Variants in RSRC1 observed in about 807,000 individuals in gnomAD.
RSRC1 encodes the protein arginine and serine rich coiled-coil 1.
RSRC1 carries 39 observed loss-of-function variants against 49.1 expected under a neutral mutation model. The observed-to-expected ratio is 0.79, with a 90% confidence interval of 0.61 to 1.04. The LOEUF (loss-of-function observed/expected upper bound fraction) is 1.04, where lower values mean the gene tolerates loss of function less well. RSRC1 is among the 50% of genes least tolerant of loss of function. RSRC1 has a pLI of 0.00. For synonymous variants in RSRC1, 143 were observed against 130.8 expected (o/e 1.09, Z -0.63); for missense variants, 388 against 402.4 (o/e 0.96, Z 0.31).
chr3:158,317,095 C>G (rs1728507734), intron 5 of RSRC1, among the ~76,000 whole-genome samples: 1 of 152,202 alleles, frequency 6.6e-6, no homozygotes, highest in Admixed American at 6.5e-5. Flanking sequence ...ACATTAAAAG[C>G]AAACCCTAGC....
rs544000982 is a variant in RSRC1 at position 158,350,179 on chromosome 3, A to ATTTT, written c.532-4665_532-4662dup. Among the ~76,000 whole-genome samples the ATTTT allele has an allele frequency of 3.1e-3, 389 of 126,524 alleles. 1 individual carries two copies. Among genetic ancestry groups the ATTTT allele is most frequent in the African/African-American group, 4.4e-3 (148 of 33,948 alleles). 83.0% of individuals were successfully genotyped at this position (126,524 alleles called of 152,430 possible). On this transcript the variant is annotated intron_variant, in intron 5 of 9. Coordinates refer to ENST00000611884, the MANE Select transcript of RSRC1 (RefSeq NM_001271838.2). Reference sequence around the variant, plus strand: ...CAACAGAAATATATATATATATATAATTTTTTTTTTTTTTTTGAGAAAAGG... The same window carrying ATTTT: ...CAACAGAAATATATATATATATATAATTTTTTTTTTTTTTTTTTTTGAGAAAAGG...
intron 7 of RSRC1, among the ~76,000 whole-genome samples, chr3:158,497,529 C>G (rs183575789): frequency 4.0e-5 from 6 of 151,688 alleles, no homozygotes; most frequent in Admixed American, 3.9e-4. Flanking sequence ...CTCTGCCCCC[C>G]GGGTTCAAGC....
intron 4 of RSRC1, among the ~76,000 whole-genome samples, chr3:158,211,950 T>C (rs115208268): frequency 3.6e-3 from 550 of 152,098 alleles, no homozygotes; most frequent in African/African-American, 0.012. Context: ...TGAAATACTT[T>C]CTTCTCTACT....
intron 3 of RSRC1, among the ~76,000 whole-genome samples, chr3:158,183,458 A>T (rs545015852): frequency 2.0e-4 from 30 of 152,250 alleles, no homozygotes; most frequent in African/African-American, 7.0e-4. Context: ...TAGGTTATTC[A>T]TTGTAAAATT....
chr3:158,518,193 C>T (rs1220849022), intron 7 of RSRC1, among the ~76,000 whole-genome samples: 1 of 108,982 alleles, frequency 9.2e-6, no homozygotes, highest in African/African-American at 3.6e-5. Context: ...TTTGCATCTG[C>T]ATTCATGATT....
intron 7 of RSRC1, among the ~76,000 whole-genome samples, chr3:158,517,081 T>C (rs895685574): frequency 2.6e-5 from 4 of 152,240 alleles, no homozygotes; most frequent in Admixed American, 1.3e-4. Flanking sequence ...CTGGGAGCCA[T>C]AGACCAGAGC....
intron 4 of RSRC1, among the ~76,000 whole-genome samples, chr3:158,290,426 C>A (rs1244695597): frequency 6.6e-6 from 1 of 151,956 alleles, no homozygotes; most frequent in Non-Finnish European, 1.5e-5. Flanking sequence ...GCGCCCGCCA[C>A]CACGCCCAGC....
At chr3:158,306,862 TTTTA>T (rs950425415) in intron 5 of RSRC1, among the ~76,000 whole-genome samples, 3 of 152,094 alleles carry the variant, frequency 2.0e-5, no homozygotes, top group African/African-American at 7.2e-5. Flanking sequence ...ATATTCAGCT[TTTTA>T]TTTATTTTTT....
At chr3:158,473,477 C>T (rs1293327140) in intron 7 of RSRC1, among the ~76,000 whole-genome samples, 1 of 151,788 alleles carries the variant, frequency 6.6e-6, no homozygotes, top group African/African-American at 2.4e-5. Context: ...AACACTTGGA[C>T]ACAGGAAGGG....
At chr3:158,499,577 C>G (rs985232023) in intron 7 of RSRC1, among the ~76,000 whole-genome samples, 3 of 151,986 alleles carry the variant, frequency 2.0e-5, no homozygotes, top group Admixed American at 2.0e-4. Flanking sequence ...TTGTAGTTTT[C>G]CTTGTAGAGG....
chr3:158,467,133 A>G (rs1418654231), intron 7 of RSRC1, among the ~76,000 whole-genome samples: 1 of 152,218 alleles, frequency 6.6e-6, no homozygotes, highest in Non-Finnish European at 1.5e-5. Flanking sequence ...AAAGAGTATG[A>G]CGATTATTCT....
intron 3 of RSRC1, among the ~76,000 whole-genome samples, chr3:158,132,967 G>C (rs1578117836): frequency 6.6e-6 from 1 of 152,280 alleles, no homozygotes; most frequent in South Asian, 2.1e-4. Flanking sequence ...TTTGAGATGA[G>C]TGTAGAGTTC....
At chr3:158,243,948 TG>T (rs1185875648) in intron 4 of RSRC1, among the ~76,000 whole-genome samples, 5 of 135,660 alleles carry the variant, frequency 3.7e-5, no homozygotes, top group Non-Finnish European at 1.6e-5. Flanking sequence ...GCTGAGACTA[TG>T]GTTTTTTTTT....
rs186500964 is a variant in RSRC1 at position 158,418,983 on chromosome 3, A to G, written c.584-41952A>G. 2.0e-5 allele frequency among the ~76,000 whole-genome samples: 3 copies of G among 152,126 alleles called. No homozygotes were observed. The East Asian group carries it at 5.8e-4, about 30-fold the overall frequency. ...CTTTTAAGTTCTGATCTCACCAACC[A>G]GTTTATTGTAATTAATTCCATTCAC... On this transcript the variant is annotated intron_variant, in intron 6 of 9. Coordinates refer to ENST00000611884, the MANE Select transcript of RSRC1 (RefSeq NM_001271838.2).
chr3:158,229,998 A>G (rs1029517097), intron 4 of RSRC1, among the ~76,000 whole-genome samples: 10 of 152,112 alleles, frequency 6.6e-5, no homozygotes, highest in African/African-American at 2.4e-4. Flanking sequence ...CTATTGATGC[A>G]TCAATCACAG....
At chr3:158,479,780 G>A (rs1223627429) in intron 7 of RSRC1, among the ~76,000 whole-genome samples, 1 of 151,864 alleles carries the variant, frequency 6.6e-6, no homozygotes, top group Non-Finnish European at 1.5e-5. Flanking sequence ...ATTGCCTGTA[G>A]GTATTAAATG....
intron 3 of RSRC1, among the ~76,000 whole-genome samples, chr3:158,137,541 A>G (rs1716454710): frequency 6.6e-6 from 1 of 152,072 alleles, no homozygotes; most frequent in East Asian, 1.9e-4. Flanking sequence ...GGAATATTGT[A>G]AAAATTAATT....
chr3:158,375,135 T>C (rs1302381811), intron 6 of RSRC1, among the ~76,000 whole-genome samples: 1 of 151,138 alleles, frequency 6.6e-6, no homozygotes, highest in East Asian at 1.9e-4. Context: ...TCAAAGACCT[T>C]GAAAAGTAAA....
chr3:158,219,201 G>A (rs1264330051), intron 4 of RSRC1, among the ~76,000 whole-genome samples: 5 of 151,432 alleles, frequency 3.3e-5, no homozygotes, highest in African/African-American at 1.2e-4. Context: ...CCTCTTTTTT[G>A]GGGAGTAATT....
Sources: allele counts gnomAD v4.1 joint callset (sites outside exome capture counted in the v4.1 genomes callset), GRCh38; gene constraint gnomAD v4.1.1; transcripts MANE v1.5; gene names NCBI Gene and HGNC (gene_info 2026-07-23, HGNC 2026-07-21).